Variants in PAX7 observed in about 807,000 individuals in gnomAD.
PAX7 encodes paired box 7.
Under a neutral mutation model 50.7 loss-of-function variants are expected in PAX7, and 18 were observed. That is an observed-to-expected ratio of 0.36 (90% CI 0.25 to 0.53). PAX7 has a LOEUF of 0.53. PAX7 is among the 20% of genes least tolerant of loss of function. The pLI, the probability that PAX7 is intolerant of heterozygous loss-of-function variation, is 0.93. For missense variants in PAX7, 644 were observed against 702.9 expected (o/e 0.92, Z 0.95); for synonymous variants, 310 against 290.4 (o/e 1.07, Z -0.69).
intron 4 of PAX7, among the ~76,000 whole-genome samples, chr1:18,659,611 G>A (rs2088572587): frequency 6.6e-6 from 1 of 152,216 alleles, no homozygotes; most frequent in South Asian, 2.1e-4. Context: ...GGGAAAGAGA[G>A]AGTGGAAAGG....
chr1:18,670,080 C>T (rs1162464170), intron 4 of PAX7, among the ~76,000 whole-genome samples: 1 of 66,212 alleles, frequency 1.5e-5, no homozygotes, highest in Non-Finnish European at 2.7e-5. Context: ...GAGACTCCAT[C>T]TCAAAAAAAA....
intron 8 of PAX7, among the ~76,000 whole-genome samples, chr1:18,739,444 G>A (rs991637737): frequency 1.3e-5 from 2 of 152,230 alleles, no homozygotes; most frequent in African/African-American, 4.8e-5. Flanking sequence ...ATGTGCATGT[G>A]TAAAGGAAGG....
intron 7 of PAX7, among the ~76,000 whole-genome samples, chr1:18,722,991 T>C (rs1227150056): frequency 6.6e-6 from 1 of 152,182 alleles, no homozygotes; most frequent in African/African-American, 2.4e-5. Context: ...AACTGCACAT[T>C]CAGGCACCAA....
At chr1:18,727,266 A>G (rs1183216081) in intron 7 of PAX7, among the ~76,000 whole-genome samples, 3 of 114,816 alleles carry the variant, frequency 2.6e-5, no homozygotes, top group Non-Finnish European at 5.5e-5. Flanking sequence ...ACACACACAC[A>G]GTACTTCCAT....
At chr1:18,670,008 A>C (rs1441677963) in intron 4 of PAX7, among the ~76,000 whole-genome samples, 1 of 144,160 alleles carries the variant, frequency 6.9e-6, no homozygotes, top group Admixed American at 7.3e-5. Flanking sequence ...ATTTGAACCC[A>C]GGAGGCAGAG....
chr1:18,740,435 T>C (rs1452628885), intron 8 of PAX7, among the ~76,000 whole-genome samples: 1 of 152,204 alleles, frequency 6.6e-6, no homozygotes, highest in Non-Finnish European at 1.5e-5. Context: ...TCCTCCTCCA[T>C]GTCACGCACT....
intron 8 of PAX7, 96 bp from the exon 9 acceptor site, chr1:18,744,718 A>G (rs1263731512): frequency 2.8e-6 from 2 of 715,568 alleles, no homozygotes; most frequent in South Asian, 3.0e-5. Context: ...GGATGGATGG[A>G]TGGATGGATG....
chr1:18,730,128 G>A (rs2089628957), intron 7 of PAX7, among the ~76,000 whole-genome samples: 1 of 152,124 alleles, frequency 6.6e-6, no homozygotes, highest in Non-Finnish European at 1.5e-5. Context: ...AATGCACCAG[G>A]CATGGCACAT....
intron 7 of PAX7, among the ~76,000 whole-genome samples, chr1:18,719,057 T>C (rs1433374127): frequency 6.6e-6 from 1 of 152,206 alleles, no homozygotes; most frequent in African/African-American, 2.4e-5. Flanking sequence ...ACTGGCTGTC[T>C]CATTTTGCAA....
At chr1:18,649,266 G>A (rs1207786088) in intron 4 of PAX7, among the ~76,000 whole-genome samples, 1 of 152,132 alleles carries the variant, frequency 6.6e-6, no homozygotes, top group African/African-American at 2.4e-5. Flanking sequence ...AGGAAGGCAT[G>A]GGATAAGGAC....
intron 7 of PAX7, among the ~76,000 whole-genome samples, chr1:18,716,506 TTTTTG>T (rs1437257028): frequency 2.8e-4 from 20 of 71,712 alleles, no homozygotes; most frequent in Non-Finnish European, 5.3e-4. Context: ...TGTTTTTTGT[TTTTTG>T]TTTTTTTCAC....
At chr1:18,664,988 A>G (rs1334506940) in intron 4 of PAX7, among the ~76,000 whole-genome samples, 1 of 152,076 alleles carries the variant, frequency 6.6e-6, no homozygotes, top group East Asian at 1.9e-4. Flanking sequence ...GCTGGACCCA[A>G]GCTCCAGTCC....
At chr1:18,681,906 A>T (rs961310096) in intron 4 of PAX7, among the ~76,000 whole-genome samples, 1 of 151,716 alleles carries the variant, frequency 6.6e-6, no homozygotes, top group African/African-American at 2.4e-5. Context: ...TGTCTGGCTA[A>T]TTTTGTATTT....
intron 7 of PAX7, among the ~76,000 whole-genome samples, chr1:18,725,121 A>G (rs886366223): frequency 6.6e-6 from 1 of 152,202 alleles, no homozygotes; most frequent in Non-Finnish European, 1.5e-5. Flanking sequence ...CATTCCACTG[A>G]AGGGATTTTG....
At position 18,690,729 on chromosome 1, in the gene PAX7, A is replaced by G. The variant is rs79955558; in HGVS notation, c.587-1025A>G. The stretch of plus-strand genomic sequence containing the variant: ...CTCCATGGTGGAAATTAGTGGGGAT[A>G]ATGGGGTGGGGTCCATGGCCTTGAC... On this transcript the variant is annotated intron_variant, in intron 4 of 8. Transcript: ENST00000420770. Among the ~76,000 whole-genome samples the G allele has an allele frequency of 2.4e-3, 364 of 152,290 alleles. 3 individuals are homozygous for G. The South Asian group carries it at 0.029, about 12-fold the overall frequency.
At chr1:18,661,112 T>A (rs1224774322) in intron 4 of PAX7, among the ~76,000 whole-genome samples, 1 of 152,008 alleles carries the variant, frequency 6.6e-6, no homozygotes, top group Non-Finnish European at 1.5e-5. Flanking sequence ...GATCAGTAAA[T>A]CTCTGTTGAG....
chr1:18,701,754 T>G (rs2841095), intron 6 of PAX7, among the ~76,000 whole-genome samples: 6,383 of 152,252 alleles, frequency 0.042, 401 homozygotes, highest in African/African-American at 0.14. Context: ...CCTCAGGTCC[T>G]CCTGGGAAGG....
At chr1:18,697,546 T>G (rs780734506) in intron 5 of PAX7, among the ~76,000 whole-genome samples, 3 of 152,080 alleles carry the variant, frequency 2.0e-5, no homozygotes, top group Non-Finnish European at 2.9e-5. Flanking sequence ...ATAACAAAAA[T>G]TTTCCCATCT....
intron 4 of PAX7, among the ~76,000 whole-genome samples, chr1:18,657,609 C>G (rs967598962): frequency 2.6e-5 from 4 of 152,146 alleles, no homozygotes; most frequent in African/African-American, 9.7e-5. Flanking sequence ...CCAGCAGGAC[C>G]CAGCTCCGCT....
Sources: allele counts gnomAD v4.1 joint callset (sites outside exome capture counted in the v4.1 genomes callset), GRCh38; gene constraint gnomAD v4.1.1; transcripts MANE v1.5; gene names NCBI Gene and HGNC (gene_info 2026-07-23, HGNC 2026-07-21).